Variants in L3MBTL4 observed in about 807,000 individuals in gnomAD.
L3MBTL4 encodes the protein lethal(3)malignant brain tumor-like protein 4.
A neutral mutation model predicts 84.5 loss-of-function variants in L3MBTL4; 70 were observed. That is an observed-to-expected ratio of 0.83 (90% CI 0.68 to 1.01). The LOEUF is 1.01. Ranked by LOEUF, L3MBTL4 falls within the 50% of genes least tolerant of loss-of-function variation. The pLI is 0.00. For missense variants in L3MBTL4, 715 were observed against 754.8 expected (o/e 0.95, Z 0.62); for synonymous variants, 274 against 259.8 (o/e 1.05, Z -0.52).
intron 4 of L3MBTL4, among the ~76,000 whole-genome samples, chr18:6,295,332 CTCTCTCTCTCTCTCTA>C (rs1010145269): frequency 7.7e-6 from 1 of 129,318 alleles, no homozygotes; most frequent in African/African-American, 3.4e-5. Context: ...CTCTCTCTCT[CTCTCTCTCTCTCTCTA>C]TATATATATA....
chr18:6,400,689 G>C (rs2055473742), intron 1 of L3MBTL4, among the ~76,000 whole-genome samples: 1 of 152,162 alleles, frequency 6.6e-6, no homozygotes, highest in Non-Finnish European at 1.5e-5. Flanking sequence ...TGGGATTACA[G>C]GCGTGAGACA....
At chr18:6,156,179 C>T (rs1287854246) in intron 13 of L3MBTL4, among the ~76,000 whole-genome samples, 2 of 152,110 alleles carry the variant, frequency 1.3e-5, no homozygotes, top group Non-Finnish European at 2.9e-5. Context: ...CATGAAGTAG[C>T]CAAAATAGCC....
intron 10 of L3MBTL4, among the ~76,000 whole-genome samples, chr18:6,223,468 G>A (rs1282283078): frequency 6.6e-6 from 1 of 152,152 alleles, no homozygotes; most frequent in Admixed American, 6.5e-5. Flanking sequence ...GTTGAGCAAA[G>A]TTAAAAATGA....
At chr18:6,306,724 A>C (rs2050601860) in intron 3 of L3MBTL4, among the ~76,000 whole-genome samples, 1 of 152,172 alleles carries the variant, frequency 6.6e-6, no homozygotes, top group Admixed American at 6.5e-5. Context: ...GACCTACCCC[A>C]GTCACCCTGC....
intron 1 of L3MBTL4, among the ~76,000 whole-genome samples, chr18:6,358,099 C>T (rs1011035247): frequency 6.6e-6 from 1 of 152,188 alleles, no homozygotes. Flanking sequence ...ATAAATTATG[C>T]AGCCTTAAAG....
At chr18:6,151,533 C>T (rs970186008) in intron 13 of L3MBTL4, among the ~76,000 whole-genome samples, 2 of 152,102 alleles carry the variant, frequency 1.3e-5, no homozygotes, top group Non-Finnish European at 2.9e-5. Context: ...GCTGGGATTA[C>T]AGGCACGCGC....
rs761479211 is a variant in L3MBTL4 at position 6,138,188 on chromosome 18, T to C, written c.1199+6A>G. 1 of 1,591,556 alleles carries C rather than the reference T, an allele frequency of 6.3e-7. No individual in the cohort carries two copies. The highest frequency in any genetic ancestry group is 1.1e-5 in the South Asian group (1 of 88,914). ...CAGGAAATAACTTAAATAAGAAAAA[T>C]GTTACCTGTGATGTCCCGAATAACG... On this transcript the variant is annotated splice_donor_region_variant and intron_variant, in intron 14 of 18. Transcript: ENST00000317931.
In L3MBTL4 at chr18:6,244,541, T is replaced by G. The variant is rs752700059; in HGVS notation, c.267A>C (p.Arg89Ser). ...GATGTCGGGGATCAATGCCTTCTAA[T>G]CTCATTCCAATCTGAAAACCATTTT... ...EHENGFQIGMRLEGIDPRHPS... is the reference protein window; with the variant it reads ...EHENGFQIGMSLEGIDPRHPS... The change falls in exon 6 of 19, where the codon AGA becomes AGC. Residue 89 changes from arginine to serine, a missense_variant. By Grantham distance (110) the Arg-to-Ser change is moderately radical (BLOSUM62 -1). Transcript: ENST00000317931. 9 of 1,613,938 alleles carry G rather than the reference T, an allele frequency of 5.6e-6. No homozygotes were observed. In the African/African-American group the frequency reaches 1.1e-4, roughly 19 times the overall value.
At chr18:6,395,699 C>T (rs575237860) in intron 1 of L3MBTL4, 19 of 152,174 alleles carry the variant, frequency 1.2e-4, no homozygotes, top group African/African-American at 4.3e-4. Context: ...TTAAACACTG[C>T]AAAAATGGAG....
chr18:6,220,125 G>A (rs1393673786), intron 10 of L3MBTL4, among the ~76,000 whole-genome samples: 1 of 152,140 alleles, frequency 6.6e-6, no homozygotes, highest in Non-Finnish European at 1.5e-5. Flanking sequence ...AACGCATTCA[G>A]GGTCAAGAAA....
At chr18:6,035,368 G>T (rs1279536408) in intron 16 of L3MBTL4, among the ~76,000 whole-genome samples, 1 of 152,100 alleles carries the variant, frequency 6.6e-6, no homozygotes, top group Non-Finnish European at 1.5e-5. Flanking sequence ...TGTACATATG[G>T]CTAGCCAGTT....
At chr18:6,299,166 G>T (rs765598832) in intron 4 of L3MBTL4, among the ~76,000 whole-genome samples, 10 of 152,156 alleles carry the variant, frequency 6.6e-5, no homozygotes, top group Non-Finnish European at 1.5e-4. Flanking sequence ...TCTTAGTTAA[G>T]TTTTTAGAAT....
At chr18:6,044,357 G>A (rs1314711059) in intron 16 of L3MBTL4, among the ~76,000 whole-genome samples, 3 of 152,190 alleles carry the variant, frequency 2.0e-5, no homozygotes, top group African/African-American at 4.8e-5. Flanking sequence ...TTGAGTCTGT[G>A]TTCATGCCAT....
chr18:6,115,257 C>T (rs992302347), intron 14 of L3MBTL4, among the ~76,000 whole-genome samples: 4 of 152,118 alleles, frequency 2.6e-5, no homozygotes, highest in Non-Finnish European at 4.4e-5. Flanking sequence ...ATTGGTCTGA[C>T]TGCAGTGAGG....
At position 6,340,790 on chromosome 18, in the gene L3MBTL4, A is replaced by C. The variant is rs570786575; in HGVS notation, c.-90-28734T>G. On this transcript the variant is annotated intron_variant, in intron 1 of 18. Coordinates refer to ENST00000317931, the MANE Select transcript of L3MBTL4 (RefSeq NM_001330559.2). ...CACACATCCCCAAGCACAGTCCCCTATAGGTCCCCACAATGATGCACATGA... is the reference window on the plus strand; with the variant it reads ...CACACATCCCCAAGCACAGTCCCCTCTAGGTCCCCACAATGATGCACATGA... Among the ~76,000 whole-genome samples the C allele has an allele frequency of 2.0e-3, 302 of 152,234 alleles. 2 individuals are homozygous for C. Among genetic ancestry groups the C allele is most frequent in the Middle Eastern group, 3.4e-3 (1 of 294 alleles).
chr18:5,969,441 G>C lies in L3MBTL4; in HGVS notation c.1566C>G (p.Gly522=), dbSNP rs530335558. The C allele has an allele frequency of 2.5e-6, 4 of 1,613,624 alleles. No homozygotes were observed. The South Asian group carries it at 3.3e-5, about 13-fold the overall frequency. The change falls in exon 17 of 19, where the codon GGC becomes GGG. Residue 522 remains glycine (G), a synonymous_variant. Coordinates refer to ENST00000317931, the MANE Select transcript of L3MBTL4 (RefSeq NM_001330559.2). The part of the protein sequence containing the change: ...GREQHCKLLP[G]VADIRASQVA... ...CTTGGCTGGCCCGGATGTCAGCCAC[G>C]CCTGGAAGCAACTTGCAGTGTTGCT... is the stretch of plus-strand genomic sequence containing the variant.
At chr18:6,257,645 C>CTTTTTTTTTTTTT (rs770563046) in intron 5 of L3MBTL4, among the ~76,000 whole-genome samples, 1 of 127,482 alleles carries the variant, frequency 7.8e-6, no homozygotes, top group Middle Eastern at 3.8e-3. Context: ...TTTTCTTTTT[C>CTTTTTTTTTTTTT]TTTTTTTTTT....
At chr18:6,284,612 G>A (rs1033881262) in intron 4 of L3MBTL4, among the ~76,000 whole-genome samples, 5 of 152,216 alleles carry the variant, frequency 3.3e-5, no homozygotes, top group Non-Finnish European at 5.9e-5. Context: ...CCAAGCCCCC[G>A]GTCGCTTTTC....
intron 1 of L3MBTL4, 71 bp from the exon 2 acceptor site, chr18:6,312,127 C>A (rs183135068): frequency 1.3e-5 from 2 of 152,546 alleles, no homozygotes; most frequent in Admixed American, 1.3e-4. Context: ...TATTCATAAA[C>A]AGTGGTAGAC....
Sources: gnomAD v4.1 joint callset for allele counts (sites outside exome capture counted in the v4.1 genomes callset) on GRCh38, gnomAD v4.1.1 for gene constraint, MANE v1.5 for transcripts, NCBI Gene and HGNC (gene_info 2026-07-23, HGNC 2026-07-21) for gene names.